Variants in RORA observed in about 807,000 individuals in gnomAD.
The protein encoded by RORA is nuclear receptor ROR-alpha.
Under a neutral mutation model 69.5 loss-of-function variants are expected in RORA, and 7 were observed. That is an observed-to-expected ratio of 0.10 (90% confidence interval 0.06 to 0.19). The LOEUF is 0.19. Among genes scored for constraint, RORA ranks in the 10% least tolerant of loss-of-function variants. The pLI is 1.00. For synonymous variants in RORA, 261 were observed against 240.8 expected (o/e 1.08, Z -0.78); for missense variants, 457 against 663.0 (o/e 0.69, Z 3.41).
chr15:60,728,900 AATT>A (rs1264687165), intron 1 of RORA, among the ~76,000 whole-genome samples: 1 of 152,194 alleles, frequency 6.6e-6, no homozygotes, highest in African/African-American at 2.4e-5. Flanking sequence ...ACAATAATAA[AATT>A]ATAATATAAA....
intron 1 of RORA, among the ~76,000 whole-genome samples, chr15:61,090,662 A>G (rs1286626809): frequency 6.6e-6 from 1 of 152,204 alleles, no homozygotes; most frequent in African/African-American, 2.4e-5. Flanking sequence ...ACAGCAGCCA[A>G]AATCCATCTA....
At chr15:61,216,092 T>C (rs1327253972) in intron 1 of RORA, among the ~76,000 whole-genome samples, 1 of 152,230 alleles carries the variant, frequency 6.6e-6, no homozygotes, top group African/African-American at 2.4e-5. Context: ...TCACTATTTT[T>C]AGCCAGCTAT....
intron 1 of RORA, among the ~76,000 whole-genome samples, chr15:61,086,424 A>G (rs913544434): frequency 1.3e-5 from 2 of 152,180 alleles, no homozygotes. Flanking sequence ...AACTTAATGA[A>G]CTCAGAGTAA....
Position 60,504,008 on chromosome 15 carries a change from G to A in RORA, c.943-341C>T, listed in dbSNP as rs140618362. On this transcript the variant is annotated intron_variant, in intron 6 of 10. Coordinates refer to ENST00000335670, the MANE Select transcript of RORA (RefSeq NM_134261.3). Reference sequence around the variant, plus strand: ...AATAGAGACAGAGTTTCACCATGTTGGCCAGGCTGGTCTTGAACTCCGGAC... The same window carrying A: ...AATAGAGACAGAGTTTCACCATGTTAGCCAGGCTGGTCTTGAACTCCGGAC... Among the ~76,000 whole-genome samples, 548 of 152,046 alleles carry A rather than the reference G, an allele frequency of 3.6e-3. 2 individuals are homozygous for A. The highest frequency in any genetic ancestry group is 4.4e-3 in the Non-Finnish European group (301 of 67,972).
intron 1 of RORA, among the ~76,000 whole-genome samples, chr15:61,078,662 A>C (rs759316753): frequency 1.6e-4 from 25 of 152,128 alleles, no homozygotes; most frequent in Non-Finnish European, 1.6e-4. Context: ...TTGAATCCAC[A>C]TTTCTCTGAC....
chr15:60,940,386 GA>G (rs1892656874), intron 1 of RORA, among the ~76,000 whole-genome samples: 1 of 152,160 alleles, frequency 6.6e-6, no homozygotes, highest in African/African-American at 2.4e-5. Flanking sequence ...TCCGCTAGGT[GA>G]AAGATGTTGA....
intron 2 of RORA, among the ~76,000 whole-genome samples, chr15:60,540,707 C>T (rs527597941): frequency 2.8e-4 from 42 of 152,090 alleles, no homozygotes; most frequent in Non-Finnish European, 4.1e-4. Context: ...CCATGAGCTC[C>T]GATGGCATTC....
chr15:60,677,100 C>T (rs982903857), intron 2 of RORA: 13 of 450,242 alleles, frequency 2.9e-5, no homozygotes, highest in African/African-American at 2.4e-4. Flanking sequence ...TCATCAGCCC[C>T]TGTTGGGGAG....
At chr15:60,608,367 C>T (rs930493719) in intron 2 of RORA, among the ~76,000 whole-genome samples, 12 of 152,116 alleles carry the variant, frequency 7.9e-5, no homozygotes, top group African/African-American at 2.9e-4. Flanking sequence ...GAGAATGCAG[C>T]TGAAAGGCTA....
chr15:60,944,051 T>C (rs1892788545), intron 1 of RORA, among the ~76,000 whole-genome samples: 1 of 151,942 alleles, frequency 6.6e-6, no homozygotes, highest in Non-Finnish European at 1.5e-5. Flanking sequence ...AGTCAGTCAG[T>C]CGTCCATTAT....
chr15:60,654,520 A>C (rs577027444), intron 2 of RORA, among the ~76,000 whole-genome samples: 1 of 152,346 alleles, frequency 6.6e-6, no homozygotes, highest in South Asian at 2.1e-4. Context: ...TTAACGCAGT[A>C]AACTGAGTAA....
intron 1 of RORA, among the ~76,000 whole-genome samples, chr15:60,992,944 C>G (rs1262613652): frequency 2.6e-5 from 4 of 152,084 alleles, no homozygotes; most frequent in Non-Finnish European, 4.4e-5. Context: ...ACTACTGATC[C>G]ATAAATTGCA....
intron 1 of RORA, among the ~76,000 whole-genome samples, chr15:60,880,302 T>C (rs2073664304): frequency 6.6e-6 from 1 of 152,214 alleles, no homozygotes; most frequent in Non-Finnish European, 1.5e-5. Context: ...TTCTCAACAA[T>C]GATTTCTATT....
chr15:60,891,400 C>A (rs144566221), intron 1 of RORA, among the ~76,000 whole-genome samples: 2 of 152,288 alleles, frequency 1.3e-5, no homozygotes, highest in African/African-American at 4.8e-5. Context: ...GGCAGCTGCT[C>A]TGAATATGCA....
At chr15:60,817,423 A>G (rs2072833386) in intron 1 of RORA, among the ~76,000 whole-genome samples, 1 of 152,250 alleles carries the variant, frequency 6.6e-6, no homozygotes, top group Non-Finnish European at 1.5e-5. Context: ...CAGGCTTGCA[A>G]CAAACCTTCA....
intron 2 of RORA, among the ~76,000 whole-genome samples, chr15:60,614,038 T>C (rs1349121662): frequency 6.6e-6 from 1 of 151,894 alleles, no homozygotes; most frequent in African/African-American, 2.4e-5. Flanking sequence ...AAAGGAAAAC[T>C]GGAAATTTTT....
chr15:60,817,910 A>G (rs1384121950), intron 1 of RORA, among the ~76,000 whole-genome samples: 1 of 152,254 alleles, frequency 6.6e-6, no homozygotes, highest in Non-Finnish European at 1.5e-5. Flanking sequence ...AATGAATACA[A>G]GGATACAGTT....
intron 1 of RORA, among the ~76,000 whole-genome samples, chr15:60,686,426 TAAG>T (rs551392179): frequency 7.0e-4 from 107 of 152,362 alleles, no homozygotes; most frequent in African/African-American, 2.4e-3. Context: ...GTAAGAATCA[TAAG>T]AAGCCTTATT....
intron 1 of RORA, among the ~76,000 whole-genome samples, chr15:60,992,364 C>G (rs1158260649): frequency 1.3e-5 from 2 of 151,918 alleles, no homozygotes; most frequent in African/African-American, 2.4e-5. Flanking sequence ...GGAGGGAAAT[C>G]TAGGTACTTG....
Sources: gnomAD v4.1 joint callset for allele counts (sites outside exome capture counted in the v4.1 genomes callset) on GRCh38, gnomAD v4.1.1 for gene constraint, MANE v1.5 for transcripts, NCBI Gene and HGNC (gene_info 2026-07-23, HGNC 2026-07-21) for gene names.